The following EBPL variants were observed in gnomAD, a reference collection of about 807,000 sequenced individuals.
The protein encoded by EBPL is EBP like.
Under a neutral mutation model 19.0 loss-of-function variants are expected in EBPL, and 20 were observed. The observed-to-expected ratio is 1.05, with a 90% confidence interval of 0.74 to 1.53. The LOEUF (loss-of-function observed/expected upper bound fraction) is 1.53. Among genes scored for constraint, EBPL ranks in the 40% most tolerant of loss-of-function variants. The pLI is 0.00. For missense variants in EBPL, 219 were observed against 261.1 expected (o/e 0.84, Z 1.11); for synonymous variants, 107 against 117.0 (o/e 0.91, Z 0.55).
chr13:49,679,086 A>C (rs1003040852), intron 1 of EBPL, among the ~76,000 whole-genome samples: 2 of 152,114 alleles, frequency 1.3e-5, no homozygotes, highest in African/African-American at 4.8e-5. Context: ...AAAGCCACTG[A>C]AAACACTACT....
intron 1 of EBPL, among the ~76,000 whole-genome samples, chr13:49,675,652 G>A (rs750957003): frequency 1.3e-5 from 2 of 152,190 alleles, no homozygotes; most frequent in African/African-American, 2.4e-5. Context: ...CTGCTGCTAT[G>A]AACACTGGTT....
At chr13:49,661,641 TA>T (rs1965150227) in intron 3 of EBPL, 3 of 746,704 alleles carry the variant, frequency 4.0e-6, no homozygotes, top group Admixed American at 6.3e-5. Context: ...GATGGGCAAG[TA>T]AAAGGCTCAA....
At chr13:49,664,612 C>T (rs1337390068) in intron 2 of EBPL, among the ~76,000 whole-genome samples, 1 of 152,106 alleles carries the variant, frequency 6.6e-6, no homozygotes, top group African/African-American at 2.4e-5. Context: ...GTCCTAAGAT[C>T]TCAAATGATT....
chr13:49,676,852 A>G (rs1263142564), intron 1 of EBPL, among the ~76,000 whole-genome samples: 2 of 152,188 alleles, frequency 1.3e-5, no homozygotes, highest in Non-Finnish European at 2.9e-5. Context: ...CAGACTTTCC[A>G]CAGCTATCCC....
intron 1 of EBPL, among the ~76,000 whole-genome samples, chr13:49,673,691 C>A (rs1479155781): frequency 9.2e-5 from 14 of 152,178 alleles, no homozygotes; most frequent in Admixed American, 9.2e-4. Flanking sequence ...CTCGCCTCAG[C>A]CTCCCCAAGT....
In EBPL at chr13:49,691,418, C is replaced by T. The variant is rs1238071572; in HGVS notation, c.7G>A (p.Ala3Thr). Residue 3 changes from alanine to threonine, a missense_variant, in exon 1 of 4, where the codon GCT becomes ACT. Ala to Thr is a moderately conservative substitution (Grantham distance 58). This residue lies in a region of EBPL where 170 missense variants were observed against 167.0 expected (regional missense o/e 1.02). Coordinates refer to ENST00000242827, the MANE Select transcript of EBPL (RefSeq NM_032565.5). MGAEWELGAEAGG... is the reference protein window; with the variant it reads MGTEWELGAEAGG... ...GCCTCGGCCCCCAGCTCCCACTCAGCGCCCATGCTTCAGGCTTCCGACGCC... is the reference window on the plus strand; with the variant it reads ...GCCTCGGCCCCCAGCTCCCACTCAGTGCCCATGCTTCAGGCTTCCGACGCC... The T allele has an allele frequency of 3.0e-6, 4 of 1,341,288 alleles. No individual in the cohort carries two copies. The highest frequency in any genetic ancestry group is 2.9e-6 in the Non-Finnish European group (3 of 1,048,076). The allele number at this position is 1,341,288 out of a possible 1,614,324, so 83.1% of individuals were successfully genotyped here.
At chr13:49,668,390 G>A (rs1031600630) in intron 2 of EBPL, 14 of 235,704 alleles carry the variant, frequency 5.9e-5, no homozygotes, top group Non-Finnish European at 1.1e-4. Context: ...TGGCTAACAT[G>A]GTGAAACCCC....
chr13:49,675,839 A>G (rs1341809652), intron 1 of EBPL, among the ~76,000 whole-genome samples: 1 of 149,912 alleles, frequency 6.7e-6, no homozygotes, highest in Non-Finnish European at 1.5e-5. Context: ...ACTTCTCCAC[A>G]TTCTTGGCCA....
chr13:49,673,523 C>T (rs1049011557), intron 1 of EBPL, among the ~76,000 whole-genome samples: 3 of 152,224 alleles, frequency 2.0e-5, no homozygotes, highest in South Asian at 2.1e-4. Flanking sequence ...CTGCAACCTC[C>T]ACCTCCCATG....
chr13:49,680,907 C>G (rs938438265), intron 1 of EBPL, among the ~76,000 whole-genome samples: 1 of 152,052 alleles, frequency 6.6e-6, no homozygotes, highest in Non-Finnish European at 1.5e-5. Flanking sequence ...AGGTACAAAG[C>G]AAAGGATAAA....
intron 1 of EBPL, among the ~76,000 whole-genome samples, chr13:49,680,296 A>C (rs943361763): frequency 4.6e-5 from 7 of 152,240 alleles, no homozygotes; most frequent in African/African-American, 1.4e-4. Flanking sequence ...TCCCTGAAGA[A>C]GACCTGACTT....
intron 1 of EBPL, among the ~76,000 whole-genome samples, chr13:49,673,082 AG>A (rs1953835734): frequency 6.6e-6 from 1 of 152,150 alleles, no homozygotes; most frequent in African/African-American, 2.4e-5. Context: ...AGGAAAGGAA[AG>A]GAAAAGAAAG....
chr13:49,672,126 T>C (rs961748756), intron 1 of EBPL, among the ~76,000 whole-genome samples: 2 of 152,216 alleles, frequency 1.3e-5, no homozygotes, highest in Non-Finnish European at 2.9e-5. Context: ...TCACACATCA[T>C]TGGGATCTGG....
At chr13:49,683,661 CAT>C (rs1415242496) in intron 1 of EBPL, among the ~76,000 whole-genome samples, 1 of 152,158 alleles carries the variant, frequency 6.6e-6, no homozygotes, top group Non-Finnish European at 1.5e-5. Flanking sequence ...TAGTCATATA[CAT>C]CTATCAGAAT....
At chr13:49,682,367 C>T (rs1299919975) in intron 1 of EBPL, among the ~76,000 whole-genome samples, 1 of 152,216 alleles carries the variant, frequency 6.6e-6, no homozygotes, top group Non-Finnish European at 1.5e-5. Flanking sequence ...GAAAGGAAAC[C>T]TTCCAAGGCT....
Position 49,661,069 on chromosome 13 carries a change from C to T in EBPL, c.520G>A (p.Gly174Ser), listed in dbSNP as rs200901347. ...YCWLYLFFFN[G>S]VWVLIPGLLL... ...AGTCCTGGGATCAGAACCCACACAC[C>T]GTTAAAAAAAAACAGGTAAAGCCAA... Residue 174 changes from glycine to serine, a missense_variant, in exon 4 of 4, where the codon GGT (glycine) becomes AGT (serine). By Grantham distance (56) the Gly-to-Ser change is moderately conservative (BLOSUM62 0). This residue lies in a region of EBPL where 49 missense variants were observed against 94.1 expected (regional missense o/e 0.52). Coordinates refer to ENST00000242827, the MANE Select transcript of EBPL (RefSeq NM_032565.5). 10 of 1,613,986 alleles carry T rather than the reference C, an allele frequency of 6.2e-6. 1 individual carries two copies. The highest frequency in any genetic ancestry group is 4.4e-5 in the South Asian group (4 of 91,082).
At chr13:49,679,752 C>G (rs748903721) in intron 1 of EBPL, among the ~76,000 whole-genome samples, 14 of 152,076 alleles carry the variant, frequency 9.2e-5, no homozygotes, top group Non-Finnish European at 1.9e-4. Flanking sequence ...CGCCTCCTCC[C>G]TCAGCTTCCC....
At chr13:49,684,946 C>T (rs1953981596) in intron 1 of EBPL, among the ~76,000 whole-genome samples, 1 of 152,128 alleles carries the variant, frequency 6.6e-6, no homozygotes, top group Admixed American at 6.5e-5. Flanking sequence ...TGCTCTGTCG[C>T]CCAGGCTGGA....
chr13:49,686,544 T>C lies in EBPL; in HGVS notation c.171+4710A>G, dbSNP rs567620688. On this transcript the variant is annotated intron_variant, in intron 1 of 3. Coordinates refer to ENST00000242827, the MANE Select transcript of EBPL (RefSeq NM_032565.5). ...TCAGTGTTCTTGAAATTCCATTCTG[T>C]GGATCCCAGGACCCCAGCACTCTCC... The C allele has an allele frequency of 7.1e-5, 92 of 1,289,792 alleles. No individual in the cohort carries two copies. The African/African-American group carries it at 8.5e-4, about 12-fold the overall frequency. 79.9% of individuals were successfully genotyped at this position (1,289,792 alleles called of 1,614,324 possible). A position where few individuals can be genotyped will look rare whatever the true frequency, so the allele number is the denominator to read the frequency against.
Sources: gnomAD v4.1 joint callset for allele counts (sites outside exome capture counted in the v4.1 genomes callset) on GRCh38, gnomAD v4.1.1 for gene constraint, gnomAD v4.1.1 regional missense constraint, MANE v1.5 for transcripts, NCBI Gene and HGNC (gene_info 2026-07-23, HGNC 2026-07-21) for gene names.